UNC5C: variants seen among roughly 807,000 people sequenced by gnomAD.
UNC5C encodes unc-5 netrin receptor C.
Under a neutral mutation model 99.8 loss-of-function variants are expected in UNC5C, and 47 were observed. The ratio of observed to expected loss-of-function variants is 0.47; its 90% CI spans 0.37 to 0.60. The LOEUF is 0.60. Ranked by LOEUF, UNC5C falls within the 20% of genes least tolerant of loss-of-function variation. The pLI, the probability that UNC5C is intolerant of heterozygous loss-of-function variation, is 0.00. For synonymous variants in UNC5C, 487 were observed against 452.2 expected (o/e 1.08, Z -0.98); for missense variants, 1,062 against 1,165.9 (o/e 0.91, Z 1.30).
rs372689466 is a variant in UNC5C, at chr4:95,483,793, C to T, written c.124+64941G>A. Among the ~76,000 whole-genome samples the T allele has an allele frequency of 6.3e-4, 96 of 151,704 alleles. 1 individual carries two copies. Among genetic ancestry groups the T allele is most frequent in the African/African-American group, 1.4e-3 (60 of 41,436 alleles). Reference sequence around the variant, plus strand: ...CCATTAAGCAGGACAAGTCCCTCTACGACTAATTTTTGTGATGGCCTCAAG... The same window carrying T: ...CCATTAAGCAGGACAAGTCCCTCTATGACTAATTTTTGTGATGGCCTCAAG... On this transcript the variant is annotated intron_variant, in intron 1 of 15. Transcript: ENST00000453304.
rs377448196 is a variant in UNC5C at position 95,424,545 on chromosome 4, A to G, written c.125-88914T>C. On this transcript the variant is annotated intron_variant, in intron 1 of 15. Coordinates refer to ENST00000453304, the MANE Select transcript of UNC5C (RefSeq NM_003728.4). Reference sequence around the variant, plus strand: ...TTTTTTTTTTTTTTTTTTTTGAGACAGCTTCTTGCTCTGTGGCCCTGGCTG... The same window carrying G: ...TTTTTTTTTTTTTTTTTTTTGAGACGGCTTCTTGCTCTGTGGCCCTGGCTG... Among the ~76,000 whole-genome samples the G allele has an allele frequency of 9.2e-4, 59 of 63,934 alleles. 1 individual carries two copies. The highest frequency in any genetic ancestry group is 3.9e-3 in the African/African-American group (56 of 14,298). The allele number at this position is 63,934 out of a possible 152,430, so 41.9% of individuals were successfully genotyped here.
At chr4:95,331,684 T>G (rs992594614) in intron 2 of UNC5C, among the ~76,000 whole-genome samples, 1 of 152,112 alleles carries the variant, frequency 6.6e-6, no homozygotes, top group Admixed American at 6.6e-5. Flanking sequence ...TACAGTTAAT[T>G]TATAAGGTAG....
intron 14 of UNC5C, among the ~76,000 whole-genome samples, chr4:95,179,670 C>T (rs1736524256): frequency 1.3e-5 from 2 of 150,152 alleles, no homozygotes; most frequent in South Asian, 4.2e-4. Flanking sequence ...TTGTTTGAAC[C>T]CAGGAGGCGG....
intron 1 of UNC5C, among the ~76,000 whole-genome samples, chr4:95,510,376 G>A (rs903599826): frequency 2.0e-5 from 3 of 151,928 alleles, no homozygotes; most frequent in Non-Finnish European, 4.4e-5. Context: ...TTATAAATAC[G>A]TGAATGACTA....
At chr4:95,303,631 G>A (rs184098446) in intron 2 of UNC5C, among the ~76,000 whole-genome samples, 1 of 152,230 alleles carries the variant, frequency 6.6e-6, no homozygotes, top group Admixed American at 6.5e-5. Context: ...AGCCGAGATC[G>A]CACCACTGCA....
chr4:95,354,481 T>TA (rs1274789806), intron 1 of UNC5C, among the ~76,000 whole-genome samples: 37 of 99,700 alleles, frequency 3.7e-4, no homozygotes, highest in Middle Eastern at 9.2e-3. Context: ...ATATATATAT[T>TA]TTTTTTTTTT....
chr4:95,398,065 C>CTTTTTTTTTTTTTTTTTTTTTTTTTT (rs1479323772), intron 1 of UNC5C, among the ~76,000 whole-genome samples: 1 of 45,698 alleles, frequency 2.2e-5, no homozygotes, highest in African/African-American at 1.1e-4. Flanking sequence ...TTTTTTTTTG[C>CTTTTTTTTTTTTTTTTTTTTTTTTTT]TTATGTAAAA....
intron 4 of UNC5C, among the ~76,000 whole-genome samples, chr4:95,271,102 A>C (rs1195943289): frequency 6.6e-6 from 1 of 152,264 alleles, no homozygotes; most frequent in Non-Finnish European, 1.5e-5. Flanking sequence ...TGAACAAATG[A>C]AGGCCAACAA....
intron 1 of UNC5C, among the ~76,000 whole-genome samples, chr4:95,542,433 T>C (rs1722942696): frequency 6.6e-6 from 1 of 152,196 alleles, no homozygotes; most frequent in South Asian, 2.1e-4. Flanking sequence ...AATATCTGCA[T>C]ATTTGGCACT....
intron 14 of UNC5C, among the ~76,000 whole-genome samples, chr4:95,176,655 C>G (rs560035475): frequency 1.3e-5 from 2 of 152,228 alleles, no homozygotes; most frequent in African/African-American, 4.8e-5. Context: ...AGCTGTCTGA[C>G]AGGGACATTT....
At chr4:95,375,660 C>A (rs549114619) in intron 1 of UNC5C, among the ~76,000 whole-genome samples, 1 of 152,098 alleles carries the variant, frequency 6.6e-6, no homozygotes, top group African/African-American at 2.4e-5. Flanking sequence ...TATCTTAAGG[C>A]GAAACGCAAT....
chr4:95,352,098 A>G (rs1744012917), intron 1 of UNC5C, among the ~76,000 whole-genome samples: 1 of 152,096 alleles, frequency 6.6e-6, no homozygotes, highest in African/African-American at 2.4e-5. Context: ...ATCATGTCAC[A>G]TACACAACCT....
At chr4:95,216,093 A>C in intron 10 of UNC5C, 31 bp downstream of exon 10, 1 of 1,576,576 alleles carries the variant, frequency 6.3e-7, no homozygotes, top group Non-Finnish European at 8.7e-7. Flanking sequence ...AGACATTGGT[A>C]AAGTCAGTGC....
intron 7 of UNC5C, among the ~76,000 whole-genome samples, chr4:95,227,967 C>T (rs780783950): frequency 3.9e-5 from 6 of 151,914 alleles, no homozygotes; most frequent in Non-Finnish European, 7.4e-5. Flanking sequence ...TGAGGTTGCC[C>T]GAACTTTTTA....
intron 14 of UNC5C, among the ~76,000 whole-genome samples, chr4:95,178,839 C>T (rs903435885): frequency 6.6e-6 from 1 of 152,210 alleles, no homozygotes. Flanking sequence ...GCTACTCACT[C>T]AGCCTATTTA....
At chr4:95,485,700 A>G (rs1269871279) in intron 1 of UNC5C, among the ~76,000 whole-genome samples, 1 of 151,802 alleles carries the variant, frequency 6.6e-6, no homozygotes, top group Non-Finnish European at 1.5e-5. Context: ...TTAAAGGTGA[A>G]AAGAGAAAGA....
chr4:95,408,911 A>G (rs1246177026), intron 1 of UNC5C, among the ~76,000 whole-genome samples: 1 of 152,172 alleles, frequency 6.6e-6, no homozygotes, highest in Admixed American at 6.6e-5. Context: ...TTGGGAGCCT[A>G]TGATTTGACT....
At chr4:95,178,548 A>G (rs576174002) in intron 14 of UNC5C, among the ~76,000 whole-genome samples, 20 of 152,342 alleles carry the variant, frequency 1.3e-4, no homozygotes, top group Non-Finnish European at 2.8e-4. Context: ...AAGCTACTCA[A>G]TTAATGTTTG....
At chr4:95,386,481 A>G (rs763060525) in intron 1 of UNC5C, among the ~76,000 whole-genome samples, 18 of 152,022 alleles carry the variant, frequency 1.2e-4, no homozygotes, top group Non-Finnish European at 2.6e-4. Flanking sequence ...TTACTGCAAC[A>G]CTGATCTTTT....
Sources: gnomAD v4.1 joint callset for allele counts (sites outside exome capture counted in the v4.1 genomes callset) on GRCh38, gnomAD v4.1.1 for gene constraint, MANE v1.5 for transcripts, NCBI Gene and HGNC (gene_info 2026-07-23, HGNC 2026-07-21) for gene names.